Variants in PTPRE observed in about 807,000 individuals in gnomAD.
PTPRE encodes the protein receptor-type tyrosine-protein phosphatase epsilon.
In PTPRE, 51 loss-of-function variants were observed where a neutral mutation model predicts 102.0. The observed-to-expected ratio is 0.50, with a 90% CI of 0.40 to 0.63. PTPRE has a LOEUF of 0.63. Ranked by LOEUF, PTPRE falls within the 30% of genes least tolerant of loss-of-function variation. PTPRE has a pLI of 0.00. For missense variants in PTPRE, 752 were observed against 915.1 expected (o/e 0.82, Z 2.30); for synonymous variants, 345 against 348.2 (o/e 0.99, Z 0.10).
chr10:128,047,513 C>G (rs773179018), intron 4 of PTPRE, 24 bp downstream of exon 4: 1 of 1,613,134 alleles, frequency 6.2e-7, no homozygotes, highest in Non-Finnish European at 8.5e-7. Flanking sequence ...GGGGCACTGA[C>G]TTGCCCCAAC....
chr10:128,031,629 C>T (rs1846764261), intron 2 of PTPRE, among the ~76,000 whole-genome samples: 1 of 152,172 alleles, frequency 6.6e-6, no homozygotes, highest in South Asian at 2.1e-4. Context: ...CTTTGGGGGC[C>T]ATGAAGTACC....
intron 10 of PTPRE, 88 bp from the exon 11 acceptor site, chr10:128,065,987 G>A (rs935659455): frequency 4.4e-6 from 7 of 1,579,224 alleles, no homozygotes; most frequent in African/African-American, 4.0e-5. Context: ...CAGCTGGTGT[G>A]TGTGAGGCCT....
chr10:128,003,060 A>G (rs1854133139), intron 2 of PTPRE, among the ~76,000 whole-genome samples: 1 of 152,154 alleles, frequency 6.6e-6, no homozygotes, highest in African/African-American at 2.4e-5. Flanking sequence ...CAGATAGACC[A>G]TTTACAGTCC....
Position 128,040,907 on chromosome 10 carries a change from T to C in PTPRE, c.26T>C (p.Leu9Pro), listed in dbSNP as rs921629125. 6.2e-7 allele frequency: 1 copy of C among 1,614,128 alleles called. No individual in the cohort carries two copies. The highest frequency in any genetic ancestry group is 8.5e-7 in the Non-Finnish European group (1 of 1,180,002). ...ATGGAGCCCTTGTGTCCACTCCTGCTGGTGGGTTTTAGCTTGCCGCTCGCC... is the reference window on the plus strand; with the variant it reads ...ATGGAGCCCTTGTGTCCACTCCTGCCGGTGGGTTTTAGCTTGCCGCTCGCC... MEPLCPLLLVGFSLPLARA... is the reference protein window; with the variant it reads MEPLCPLLPVGFSLPLARA... Residue 9 changes from leucine to proline, a missense_variant, in exon 3 of 21, where the codon CTG (leucine) becomes CCG (proline). This residue lies in a region of PTPRE where 116 missense variants were observed against 90.8 expected (regional missense o/e 1.28). Transcript: ENST00000254667.
intron 1 of PTPRE, among the ~76,000 whole-genome samples, chr10:127,968,465 C>T (rs990522224): frequency 6.6e-5 from 10 of 152,334 alleles, no homozygotes; most frequent in Middle Eastern, 3.4e-3. Context: ...GGCCATCTGG[C>T]GAGTTCTGCC....
At chr10:127,933,582 A>G (rs371613291) in intron 1 of PTPRE, among the ~76,000 whole-genome samples, 126 of 152,388 alleles carry the variant, frequency 8.3e-4, no homozygotes, top group African/African-American at 2.6e-3. Flanking sequence ...GATGTATAGC[A>G]TATTTTAAGT....
chr10:128,033,608 TG>T (rs1564906332), intron 2 of PTPRE, among the ~76,000 whole-genome samples: 1 of 152,226 alleles, frequency 6.6e-6, no homozygotes, highest in Non-Finnish European at 1.5e-5. Flanking sequence ...GTAAATGTAT[TG>T]TACTTGGAAT....
chr10:127,993,768 GGT>G (rs142298818), intron 2 of PTPRE, among the ~76,000 whole-genome samples: 19 of 150,644 alleles, frequency 1.3e-4, no homozygotes, highest in East Asian at 2.0e-4. Context: ...CTTTCATAGT[GGT>G]GTGTGTGTGT....
intron 1 of PTPRE, among the ~76,000 whole-genome samples, chr10:127,941,143 G>T (rs575243437): frequency 3.9e-5 from 6 of 152,314 alleles, no homozygotes; most frequent in African/African-American, 1.4e-4. Flanking sequence ...TCCCTGCCTG[G>T]TGGGAGGTGG....
chr10:127,928,571 A>C (rs541410602), intron 1 of PTPRE, among the ~76,000 whole-genome samples: 1 of 152,208 alleles, frequency 6.6e-6, no homozygotes, highest in East Asian at 1.9e-4. Context: ...ACCTAGACCC[A>C]TGTCTCCTGG....
chr10:128,069,706 G>A lies in PTPRE; in HGVS notation c.1022G>A (p.Arg341Gln), dbSNP rs1334703179. The A allele has an allele frequency of 9.9e-6, 16 of 1,614,054 alleles. No homozygotes were observed. Among genetic ancestry groups the A allele is most frequent in the African/African-American group, 1.3e-5 (1 of 74,936 alleles). ...TTTCCCCAAAGCGCGGGCGTGGGCCGGACGGGCACCTTCATTGTGATCGAT... is the reference window on the plus strand; with the variant it reads ...TTTCCCCAAAGCGCGGGCGTGGGCCAGACGGGCACCTTCATTGTGATCGAT... ...IVVHCSAGVG[R>Q]TGTFIVIDAM... Residue 341 changes from arginine (R) to glutamine (Q), a missense_variant, in exon 13 of 21, where the codon CGG becomes CAG. Physicochemically the swap from Arg to Gln is conservative, Grantham distance 43 (BLOSUM62 1). Transcript: ENST00000254667.
chr10:128,036,090 T>C lies in PTPRE; in HGVS notation c.-7-4785T>C, dbSNP rs1267289151. Among the ~76,000 whole-genome samples the C allele has an allele frequency of 2.6e-5, 4 of 151,928 alleles. No homozygotes were observed. In the East Asian group the frequency reaches 5.8e-4, roughly 22 times the overall value. On this transcript the variant is annotated intron_variant, in intron 2 of 20. Coordinates refer to ENST00000254667, the MANE Select transcript of PTPRE (RefSeq NM_006504.6). Reference sequence around the variant, plus strand: ...AAGAGGAGGCAGGGATGTTGGGAAGTGGACGGGGATCAGGAAAATCCCTTT... The same window carrying C: ...AAGAGGAGGCAGGGATGTTGGGAAGCGGACGGGGATCAGGAAAATCCCTTT...
chr10:127,918,665 C>A (rs1846384900), intron 1 of PTPRE, among the ~76,000 whole-genome samples: 1 of 152,138 alleles, frequency 6.6e-6, no homozygotes, highest in Non-Finnish European at 1.5e-5. Context: ...AAACCAAGTC[C>A]CAGGGCTGGC....
At chr10:127,955,943 A>G (rs897919667) in intron 1 of PTPRE, among the ~76,000 whole-genome samples, 1 of 152,156 alleles carries the variant, frequency 6.6e-6, no homozygotes, top group Non-Finnish European at 1.5e-5. Context: ...CTATCATGAG[A>G]ACAGCAAGGG....
chr10:127,949,173 C>T (rs1201260254), intron 1 of PTPRE, among the ~76,000 whole-genome samples: 3 of 152,206 alleles, frequency 2.0e-5, no homozygotes, highest in African/African-American at 4.8e-5. Context: ...AACCATGCTG[C>T]TAGTGTGCCA....
intron 2 of PTPRE, among the ~76,000 whole-genome samples, chr10:128,004,661 G>A (rs1184741615): frequency 6.6e-6 from 1 of 152,166 alleles, no homozygotes; most frequent in Non-Finnish European, 1.5e-5. Flanking sequence ...ATGAACTTAG[G>A]TTAGTTTCTG....
intron 2 of PTPRE, among the ~76,000 whole-genome samples, chr10:127,997,888 C>T (rs192641001): frequency 9.1e-4 from 138 of 152,274 alleles, no homozygotes; most frequent in Non-Finnish European, 1.4e-3. Context: ...CTGCTGCTTC[C>T]GTCACATTTA....
At chr10:128,013,858 AAGAC>A (rs1420009788) in intron 2 of PTPRE, among the ~76,000 whole-genome samples, 1 of 152,192 alleles carries the variant, frequency 6.6e-6, no homozygotes, top group African/African-American at 2.4e-5. Flanking sequence ...TGGGCTGACT[AAGAC>A]AGTGTGTAGA....
chr10:127,908,593 G>A (rs1406207447), intron 1 of PTPRE, among the ~76,000 whole-genome samples: 1 of 152,182 alleles, frequency 6.6e-6, no homozygotes, highest in Non-Finnish European at 1.5e-5. Flanking sequence ...TGTGAACAGG[G>A]TTAGGGTCTG....
Sources: allele counts gnomAD v4.1 joint callset (sites outside exome capture counted in the v4.1 genomes callset), GRCh38; gene constraint gnomAD v4.1.1; regional missense constraint gnomAD v4.1.1; transcripts MANE v1.5; gene names NCBI Gene and HGNC (gene_info 2026-07-23, HGNC 2026-07-21).